Variants in EPS8L2 observed in about 807,000 individuals in gnomAD.
The protein encoded by EPS8L2 is EPS8 signaling adaptor L2.
Under a neutral mutation model 99.4 loss-of-function variants are expected in EPS8L2, and 81 were observed. That is an observed-to-expected ratio of 0.82 (90% CI 0.68 to 0.98). EPS8L2 has a LOEUF of 0.98. EPS8L2 is among the 50% of genes least tolerant of loss of function. The pLI is 0.00. For synonymous variants in EPS8L2, 509 were observed against 407.3 expected (o/e 1.25, Z -3.01); for missense variants, 1,155 against 968.8 (o/e 1.19, Z -2.55).
At position 723,240 on chromosome 11, in the gene EPS8L2, GGT is replaced by G; in HGVS notation, c.1343_1344del (p.Val448GlufsTer54). 1 of 1,593,694 alleles carries G rather than the reference GGT, an allele frequency of 6.3e-7. No homozygotes were observed. The highest frequency in any genetic ancestry group is 1.8e-5 in the Admixed American group (1 of 56,602). On this transcript the variant is annotated frameshift_variant and splice_region_variant, in exon 15 of 21. Transcript: ENST00000318562. LOFTEE classifies it high-confidence loss of function. ...ACTCAGGTCGCCCACCTTCCCCACA[GGT>G]GAGTCCAGTGAGCCGACAGTCCATA... ...EGLASAPIEE[V>X]SPVSRQSIRN...
Position 724,776 on chromosome 11 carries a change from T to C in EPS8L2, c.1507T>C (p.Phe503Leu). 1 of 1,613,654 alleles carries C rather than the reference T, an allele frequency of 6.2e-7. No homozygotes were observed. Among genetic ancestry groups the C allele is most frequent in the Non-Finnish European group, 8.5e-7 (1 of 1,179,958 alleles). Residue 503 changes from phenylalanine (F) to leucine (L), a missense_variant, in exon 16 of 21, where the codon TTC becomes CTC. By Grantham distance (22) the Phe-to-Leu change is conservative. Coordinates refer to ENST00000318562, the MANE Select transcript of EPS8L2 (RefSeq NM_022772.4). The surrounding 1 kb of genome is among the most constrained non-coding windows in gnomAD (Gnocchi z 5.5). ...MAKYVKILYDFTARNANELSV... is the reference protein window; with the variant it reads ...MAKYVKILYDLTARNANELSV... ...CAAGTACGTCAAGATCCTGTATGAC[T>C]TCACAGCCCGAAATGCCAACGAGCT...
In EPS8L2 at chr11:727,726, G is replaced by T. The variant is rs1411943002; in HGVS notation, c.*745G>T. The T allele has an allele frequency of 6.5e-6, 1 of 152,672 alleles. No individual in the cohort carries two copies. Among genetic ancestry groups the T allele is most frequent in the Non-Finnish European group, 1.5e-5 (1 of 68,100 alleles). The allele number at this position is 152,672 out of a possible 1,614,324, so 9.5% of individuals were successfully genotyped here. A position where few individuals can be genotyped will look rare whatever the true frequency, so the allele number is the denominator to read the frequency against. ...CAATTAAACCAGTTAAGTCTCCCAG[G>T]AGCCGTGTGTCTCAGTTCTCTGGGA... On this transcript the variant is annotated 3_prime_UTR_variant, in exon 21 of 21. Transcript: ENST00000318562.
chr11:717,467 C>CT (rs2133516532), intron 4 of EPS8L2, among the ~76,000 whole-genome samples: 1 of 152,358 alleles, frequency 6.6e-6, no homozygotes, highest in East Asian at 1.9e-4. Flanking sequence ...AGAGGTGCCA[C>CT]TGGCCTCTCC....
intron 1 of EPS8L2, chr11:706,710 C>G (rs1396538312): frequency 6.6e-6 from 1 of 152,260 alleles, no homozygotes; most frequent in African/African-American, 2.4e-5. Flanking sequence ...GGAGGTAGCA[C>G]TGCACACCCA....
intron 4 of EPS8L2, among the ~76,000 whole-genome samples, chr11:716,537 G>GT: frequency 6.6e-6 from 1 of 152,070 alleles, no homozygotes; most frequent in South Asian, 2.1e-4. Context: ...GATTACAGGC[G>GT]TGAGCCACCG....
intron 5 of EPS8L2, 98 bp downstream of exon 5, chr11:720,321 G>A (rs1031148352): frequency 1.5e-6 from 2 of 1,310,372 alleles, no homozygotes; most frequent in East Asian, 4.8e-5. Context: ...TCTCTGCAGG[G>A]CCGGCCATGC....
chr11:722,641 G>C (rs1041852152), intron 13 of EPS8L2, 32 bp from the exon 14 acceptor site: 69 of 1,608,014 alleles, frequency 4.3e-5, no homozygotes, highest in Non-Finnish European at 5.6e-5. Flanking sequence ...GTTCTGGAGA[G>C]GCAGGGCTGA....
At chr11:714,082 T>C (rs1406120977) in intron 4 of EPS8L2, among the ~76,000 whole-genome samples, 3 of 152,182 alleles carry the variant, frequency 2.0e-5, no homozygotes. Flanking sequence ...TGTCCATTCG[T>C]ATGTGTTTTT....
chr11:709,232 C>T (rs1379589452), intron 1 of EPS8L2, 98 bp from the exon 2 acceptor site: 1 of 757,078 alleles, frequency 1.3e-6, no homozygotes, highest in African/African-American at 1.8e-5. Context: ...CAAGGGACCC[C>T]CACCCAGGCC....
chr11:715,614 TTTTG>T (rs1223228491), intron 4 of EPS8L2, among the ~76,000 whole-genome samples: 1 of 148,022 alleles, frequency 6.8e-6, no homozygotes, highest in African/African-American at 2.6e-5. Context: ...TATCTTTTTC[TTTTG>T]TTTTTTTTTT....
In EPS8L2 at chr11:726,697, C is replaced by A. The variant is rs759087808; in HGVS notation, c.2013C>A (p.Gly671=). The change falls in exon 20 of 21, where the codon GGC becomes GGA. Residue 671 remains glycine, a synonymous_variant. Transcript: ENST00000318562. The part of the protein sequence containing the change: ...LNKEELKKVC[G]EEGVRVYSQL... ...AGGAGGAGCTGAAGAAAGTGTGCGG[C>A]GAGGAGGGCGTCCGCGTGTACAGCC... 6.3e-6 allele frequency: 10 copies of A among 1,587,622 alleles called. No homozygotes were observed. The highest frequency in any genetic ancestry group is 3.4e-5 in the South Asian group (3 of 87,006).
At chr11:707,653 G>A (rs1861762764) in intron 1 of EPS8L2, among the ~76,000 whole-genome samples, 1 of 151,940 alleles carries the variant, frequency 6.6e-6, no homozygotes, top group Non-Finnish European at 1.5e-5. Context: ...ATACCCATGT[G>A]CTTCAGACCC....
chr11:726,043 G>A, intron 17 of EPS8L2, 55 bp from the exon 18 acceptor site: 1 of 1,343,286 alleles, frequency 7.4e-7, no homozygotes, highest in South Asian at 1.3e-5. Context: ...TCCCGGGCAG[G>A]TGCTGGGAGG....
intron 4 of EPS8L2, among the ~76,000 whole-genome samples, chr11:710,838 C>T (rs1861870099): frequency 6.6e-6 from 1 of 152,206 alleles, no homozygotes; most frequent in African/African-American, 2.4e-5. Flanking sequence ...ACCCACGGGG[C>T]CGGGGGAGGC....
In EPS8L2 at chr11:726,238, G is replaced by GGT. The variant is rs1862317038; in HGVS notation, c.1754-65_1754-64dup. 11 of 1,566,320 alleles carry GGT rather than the reference G, an allele frequency of 7.0e-6. No homozygotes were observed. In the East Asian group the frequency reaches 2.3e-4, roughly 33 times the overall value. ...CACCTGGGGGAGGAAGTGTGGGGGG[G>GGT]GTCCCTGGGCCGGGGGCGGGGGCAG... On this transcript the variant is annotated intron_variant, in intron 18 of 20. Coordinates refer to ENST00000318562, the MANE Select transcript of EPS8L2 (RefSeq NM_022772.4).
chr11:725,373 T>C (rs1380789709), intron 16 of EPS8L2, among the ~76,000 whole-genome samples: 2 of 152,048 alleles, frequency 1.3e-5, no homozygotes, highest in East Asian at 3.9e-4. Context: ...TATCTGGATG[T>C]GGTGGTGTGT....
chr11:715,197 G>A (rs984500195), intron 4 of EPS8L2, among the ~76,000 whole-genome samples: 2 of 151,650 alleles, frequency 1.3e-5, no homozygotes, highest in South Asian at 4.2e-4. Flanking sequence ...AGCTGAGATT[G>A]CGCCACTGCA....
chr11:721,262 G>T, intron 8 of EPS8L2, 23 bp from the exon 9 acceptor site: 1 of 1,538,060 alleles, frequency 6.5e-7, no homozygotes, highest in Non-Finnish European at 8.7e-7. Flanking sequence ...GGCTCGGTGA[G>T]CAGCCGCCGT....
At chr11:720,978 G>GCCGGCAGGGGAGGGGAGGGGC (rs1862150058) in intron 7 of EPS8L2, 69 bp downstream of exon 7, 5 of 1,102,002 alleles carry the variant, frequency 4.5e-6, no homozygotes, top group Admixed American at 2.7e-5. Flanking sequence ...GAGGGGAGGA[G>GCCGGCAGGGGAGGGGAGGGGC]CCGGCAGGGG....
Sources: gnomAD v4.1 joint callset for allele counts (sites outside exome capture counted in the v4.1 genomes callset) on GRCh38, gnomAD v4.1.1 for gene constraint, Gnocchi (gnomAD v3.1) non-coding constraint, MANE v1.5 for transcripts, NCBI Gene and HGNC (gene_info 2026-07-23, HGNC 2026-07-21) for gene names.